Variants in LYPD5 observed in about 807,000 individuals in gnomAD.
The protein encoded by LYPD5 is LY6/PLAUR domain containing 5, also known as ly6/PLAUR domain-containing protein 5.
LYPD5 carries 21 observed loss-of-function variants against 19.1 expected under a neutral mutation model. That is an observed-to-expected ratio of 1.10 (90% CI 0.78 to 1.58). The LOEUF (loss-of-function observed/expected upper bound fraction) is 1.58. Ranked by LOEUF, LYPD5 falls within the 40% of genes most tolerant of loss-of-function variation. The pLI is 0.00. For missense variants in LYPD5, 287 were observed against 329.8 expected (o/e 0.87, Z 1.00); for synonymous variants, 128 against 142.7 (o/e 0.90, Z 0.74).
At chr19:43,802,516 G>T (rs574898427), upstream of LYPD5, 25 of 696,786 alleles carry the variant, frequency 3.6e-5, no homozygotes, top group African/African-American at 2.1e-4. Context: ...ATGTGGGCGG[G>T]TCTCTTCCTA....
chr19:43,800,028 C>G (rs751372935), intron 1 of LYPD5, 194 bp from the exon 2 acceptor site: 19 of 580,244 alleles, frequency 3.3e-5, no homozygotes, highest in Non-Finnish European at 4.6e-5. Flanking sequence ...AATGACCTCT[C>G]TGCAGCTGAC....
intron 1 of LYPD5, among the ~76,000 whole-genome samples, chr19:43,807,583 A>C (rs989820826): frequency 2.6e-5 from 4 of 151,966 alleles, no homozygotes; most frequent in Non-Finnish European, 5.9e-5. Context: ...CGCCTGGCCC[A>C]CCTTCTAATT....
intron 1 of LYPD5, among the ~76,000 whole-genome samples, chr19:43,801,699 C>T (rs1448148756): frequency 6.6e-6 from 1 of 152,170 alleles, no homozygotes; most frequent in Non-Finnish European, 1.5e-5. Flanking sequence ...GAGAAACACA[C>T]ACAAGCACAG....
chr19:43,799,113 C>T, intron 2 of LYPD5, 125 bp from the exon 3 acceptor site: 1 of 1,131,030 alleles, frequency 8.8e-7, no homozygotes, highest in Non-Finnish European at 1.2e-6. Context: ...TCCTTCCCTC[C>T]TTCCTCTCAC....
upstream of LYPD5, among the ~76,000 whole-genome samples, chr19:43,804,260 C>A (rs759369884): frequency 6.6e-6 from 1 of 152,142 alleles, no homozygotes; most frequent in Non-Finnish European, 1.5e-5. Flanking sequence ...GAGATAGCAC[C>A]CCTATCGCCC....
chr19:43,799,980 T>A, intron 1 of LYPD5, 146 bp from the exon 2 acceptor site: 1 of 935,266 alleles, frequency 1.1e-6, no homozygotes, highest in Non-Finnish European at 1.6e-6. Context: ...GTGCTGCTAT[T>A]GCAGCTGGTC....
At chr19:43,816,834 G>A (rs1406217125) in intron 1 of LYPD5, among the ~76,000 whole-genome samples, 2 of 151,434 alleles carry the variant, frequency 1.3e-5, no homozygotes, top group Non-Finnish European at 1.5e-5. Flanking sequence ...TCATGATAGT[G>A]AATAAGTATT....
Position 43,797,726 on chromosome 19 carries a change from G to A in LYPD5, c.621C>T (p.Cys207=), listed in dbSNP as rs1433845469. Residue 207 remains cysteine, a synonymous_variant, in exon 5 of 5, where the codon TGC becomes TGT. Coordinates refer to ENST00000377950, the MANE Select transcript of LYPD5 (RefSeq NM_001031749.3). ...PWTAIDLQGS[C]CEGYLCNRKS... Reference sequence around the variant, plus strand: ...TCCTGTTGCAGAGGTACCCCTCACAGCAGGAGCCCTGGAGGTCGATGGCTG... The same window carrying A: ...TCCTGTTGCAGAGGTACCCCTCACAACAGGAGCCCTGGAGGTCGATGGCTG... 6.2e-7 allele frequency: 1 copy of A among 1,613,894 alleles called. No homozygotes were observed. Among genetic ancestry groups the A allele is most frequent in the Admixed American group, 1.7e-5 (1 of 60,008 alleles).
At chr19:43,802,787 A>C (rs1265585039), upstream of LYPD5, among the ~76,000 whole-genome samples, 3 of 151,892 alleles carry the variant, frequency 2.0e-5, no homozygotes, top group Admixed American at 6.6e-5. Context: ...ACCCAAAGAC[A>C]CGTTCATCGT....
chr19:43,805,550 C>T (rs1599695825), upstream of LYPD5, among the ~76,000 whole-genome samples: 1 of 152,276 alleles, frequency 6.6e-6, no homozygotes, highest in East Asian at 1.9e-4. Flanking sequence ...CTCTGTTGCC[C>T]AAGCTGGAGT....
intron 1 of LYPD5, among the ~76,000 whole-genome samples, chr19:43,816,561 C>T (rs113760865): frequency 6.6e-6 from 1 of 152,314 alleles, no homozygotes; most frequent in Non-Finnish European, 1.5e-5. Context: ...GATCATTAAG[C>T]ACATACTAAG....
At position 43,797,360 on chromosome 19, in the gene LYPD5, C is replaced by CA; in HGVS notation, c.*230_*231insT. 1 of 523,650 alleles carries CA rather than the reference C, an allele frequency of 1.9e-6. No homozygotes were observed. Among genetic ancestry groups the CA allele is most frequent in the African/African-American group, 1.9e-5 (1 of 52,334 alleles). 32.4% of individuals were successfully genotyped at this position (523,650 alleles called of 1,614,324 possible). A position where few individuals can be genotyped will look rare whatever the true frequency, so the allele number is the denominator to read the frequency against. ...AGCTGTGATCAGAATTGCTCTTCAT[C>CA]GGGGCACGACATGGCTGTTTTGCCC... On this transcript the variant is annotated 3_prime_UTR_variant, in exon 5 of 5. Transcript: ENST00000377950.
chr19:43,799,419 ATAT>A (rs1274269128), intron 2 of LYPD5, among the ~76,000 whole-genome samples: 1 of 151,968 alleles, frequency 6.6e-6, no homozygotes, highest in Non-Finnish European at 1.5e-5. Flanking sequence ...AACTTTTTGT[ATAT>A]TTAGTAGAGA....
chr19:43,811,609 C>T (rs1225769758), intron 1 of LYPD5, among the ~76,000 whole-genome samples: 1 of 151,998 alleles, frequency 6.6e-6, no homozygotes, highest in Non-Finnish European at 1.5e-5. Flanking sequence ...TGGCTTGGAC[C>T]TGGAAGGCGG....
intron 1 of LYPD5, among the ~76,000 whole-genome samples, chr19:43,814,666 C>T (rs1400089319): frequency 6.6e-6 from 1 of 152,190 alleles, no homozygotes; most frequent in African/African-American, 2.4e-5. Context: ...GTGAGCCAGA[C>T]CTTTTCTTCC....
chr19:43,802,463 C>A, upstream of LYPD5: 1 of 1,302,172 alleles, frequency 7.7e-7, no homozygotes, highest in Non-Finnish European at 1.1e-6. Context: ...CTAAGCATCC[C>A]GGCCACCCAG....
At chr19:43,814,268 G>A (rs1303160745) in intron 1 of LYPD5, among the ~76,000 whole-genome samples, 2 of 152,158 alleles carry the variant, frequency 1.3e-5, no homozygotes, top group East Asian at 1.9e-4. Flanking sequence ...CAGGCGGGAC[G>A]ATGGCTTGAG....
upstream of LYPD5, among the ~76,000 whole-genome samples, chr19:43,806,977 G>T (rs1970275666): frequency 6.6e-6 from 1 of 152,180 alleles, no homozygotes; most frequent in Non-Finnish European, 1.5e-5. Context: ...TTAGCATAAT[G>T]TCCCGAAGGT....
intron 1 of LYPD5, among the ~76,000 whole-genome samples, chr19:43,801,481 A>G (rs750249235): frequency 3.9e-5 from 6 of 152,188 alleles, no homozygotes; most frequent in Non-Finnish European, 8.8e-5. Flanking sequence ...AGCCTGGGCG[A>G]CAGAGCAAGA....
Sources: gnomAD v4.1 joint callset for allele counts (sites outside exome capture counted in the v4.1 genomes callset) on GRCh38, gnomAD v4.1.1 for gene constraint, MANE v1.5 for transcripts, NCBI Gene and HGNC (gene_info 2026-07-23, HGNC 2026-07-21) for gene names.